The following ADGRD1 variants were observed in gnomAD, a reference collection of about 807,000 sequenced individuals.
ADGRD1 encodes the protein G-protein coupled receptor 133.
ADGRD1 carries 77 observed loss-of-function variants against 113.4 expected under a neutral mutation model. That is an observed-to-expected ratio of 0.68 (90% confidence interval 0.57 to 0.82). ADGRD1 has a LOEUF of 0.82. Ranked by LOEUF, ADGRD1 falls within the 40% of genes least tolerant of loss-of-function variation. ADGRD1 has a pLI of 0.00. For synonymous variants in ADGRD1, 474 were observed against 475.0 expected, an observed-to-expected ratio of 1.00 and a Z score of 0.03; for missense variants, 1,036 against 1,139.1, an observed-to-expected ratio of 0.91 and a Z score of 1.30.
chr12:131,032,244 G>A (rs563010056), intron 13 of ADGRD1, among the ~76,000 whole-genome samples: 6 of 152,268 alleles, frequency 3.9e-5, no homozygotes, highest in South Asian at 2.1e-4. Context: ...CCACCCTGGC[G>A]GTGGAGGCAG....
At chr12:131,080,224 T>A (rs915781190) in intron 14 of ADGRD1, among the ~76,000 whole-genome samples, 3 of 152,254 alleles carry the variant, frequency 2.0e-5, no homozygotes, top group African/African-American at 7.2e-5. Flanking sequence ...CTCTTCAACC[T>A]CTTCAACCTA....
intron 12 of ADGRD1, among the ~76,000 whole-genome samples, chr12:131,013,086 C>T (rs755583881): frequency 2.0e-5 from 3 of 152,194 alleles, no homozygotes; most frequent in Non-Finnish European, 2.9e-5. Flanking sequence ...TGAGCACCTT[C>T]TTCAATCTTG....
chr12:131,104,971 G>A (rs199722680), intron 16 of ADGRD1, 37 bp downstream of exon 16: 19 of 1,375,866 alleles, frequency 1.4e-5, no homozygotes, highest in East Asian at 2.6e-5. Context: ...ACAGTCTCTC[G>A]GCCCCTGCCT....
At chr12:131,009,334 G>C (rs899414711) in intron 12 of ADGRD1, among the ~76,000 whole-genome samples, 1 of 152,266 alleles carries the variant, frequency 6.6e-6, no homozygotes, top group South Asian at 2.1e-4. Flanking sequence ...GGGAGAAGAA[G>C]TTGGGCAGTT....
At chr12:131,076,286 A>G (rs1375162510) in intron 13 of ADGRD1, among the ~76,000 whole-genome samples, 2 of 152,214 alleles carry the variant, frequency 1.3e-5, no homozygotes, top group Non-Finnish European at 2.9e-5. Flanking sequence ...GGTAGCAAAC[A>G]CACACAGTGG....
chr12:131,070,937 T>A, intron 13 of ADGRD1: 2 of 518,670 alleles, frequency 3.9e-6, no homozygotes, highest in Non-Finnish European at 7.7e-6. Context: ...GGGGTCAGAG[T>A]GGGCCTGAGA....
chr12:130,978,473 T>G (rs888895032), intron 4 of ADGRD1: 1 of 152,228 alleles, frequency 6.6e-6, no homozygotes, highest in Non-Finnish European at 1.5e-5. Flanking sequence ...TTCCTTCAGA[T>G]TTTTCCTTGT....
At position 131,105,808 on chromosome 12, in the gene ADGRD1, C is replaced by T. The variant is rs370411645; in HGVS notation, c.1830C>T (p.Phe610=). Residue 610 remains phenylalanine (F), a synonymous_variant, in exon 17 of 25, where the codon TTC becomes TTT. Coordinates refer to ENST00000261654, the MANE Select transcript of ADGRD1 (RefSeq NM_198827.5). ...ACCACATCCACGCCAACCTGTCCTT[C>T]GCCGTGCTGGTGGCCCAGGTCCTGC... ...QRYHIHANLS[F]AVLVAQVLLL... is the part of the protein sequence containing the mutation. The T allele has an allele frequency of 2.1e-5, 33 of 1,601,068 alleles. No homozygotes were observed. Among genetic ancestry groups the T allele is most frequent in the Admixed American group, 1.2e-4 (7 of 59,988 alleles).
In ADGRD1 at chr12:131,108,989, A is replaced by G. The variant is rs1012661661; in HGVS notation, c.2041+112A>G. 63 of 34,570 alleles carry G rather than the reference A, an allele frequency of 1.8e-3. 1 individual carries two copies. The highest frequency in any genetic ancestry group is 0.017 in the South Asian group (35 of 2,104). 2.1% of individuals were successfully genotyped at this position (34,570 alleles called of 1,614,324 possible). On this transcript the variant is annotated intron_variant, in intron 18 of 24. Coordinates refer to ENST00000261654, the MANE Select transcript of ADGRD1 (RefSeq NM_198827.5). ...AGGTGGAAGTGGGGACAGAAGGGGCAGGTGGGGATGGGGGGAGGTGGGAAT... is the reference window on the plus strand; with the variant it reads ...AGGTGGAAGTGGGGACAGAAGGGGCGGGTGGGGATGGGGGGAGGTGGGAAT...
chr12:130,957,111 T>C (rs1727376), intron 2 of ADGRD1: 133,401 of 152,396 alleles, frequency 0.88, 58,462 homozygotes, highest in East Asian at 0.99. Context: ...CACATGCACA[T>C]ATATACACAT....
At chr12:131,112,273 T>C (rs1009945221) in intron 18 of ADGRD1, among the ~76,000 whole-genome samples, 5 of 152,232 alleles carry the variant, frequency 3.3e-5, no homozygotes, top group Admixed American at 2.6e-4. Flanking sequence ...GGCCTCTCTC[T>C]CAAGCTCTCT....
chr12:131,042,038 G>A (rs976562225), intron 13 of ADGRD1, among the ~76,000 whole-genome samples: 3 of 152,156 alleles, frequency 2.0e-5, no homozygotes, highest in Admixed American at 6.5e-5. Flanking sequence ...TTTTATTATC[G>A]GCTGCGCCCC....
At chr12:131,047,812 C>A (rs1056283412) in intron 13 of ADGRD1, among the ~76,000 whole-genome samples, 4 of 152,202 alleles carry the variant, frequency 2.6e-5, no homozygotes, top group Non-Finnish European at 5.9e-5. Context: ...CACCAACAGC[C>A]ACCCCCAAAG....
chr12:131,050,239 A>ATC lies in ADGRD1; in HGVS notation c.1474-26562_1474-26561insTC. On this transcript the variant is annotated intron_variant, in intron 13 of 24. Coordinates refer to ENST00000261654, the MANE Select transcript of ADGRD1 (RefSeq NM_198827.5). The surrounding 1 kb of genome is among the most constrained non-coding windows in gnomAD (Gnocchi z 4.8). ...CATCGTCATCATCATCATCATCATC[A>ATC]ATGAGATTCTCAGTCAGGACATCCG... Among the ~76,000 whole-genome samples, 1 of 151,362 alleles carries ATC rather than the reference A, an allele frequency of 6.6e-6. No homozygotes were observed. Among genetic ancestry groups the ATC allele is most frequent in the Non-Finnish European group, 1.5e-5 (1 of 67,800 alleles).
At position 130,990,999 on chromosome 12, in the gene ADGRD1, C is replaced by A; in HGVS notation, c.746-15C>A. The A allele has an allele frequency of 6.2e-7, 1 of 1,611,868 alleles. No individual in the cohort carries two copies. Among genetic ancestry groups the A allele is most frequent in the Non-Finnish European group, 8.5e-7 (1 of 1,178,028 alleles). ...GACCATGTTTTAGTCCTTAATCCAGCATTGTTTCTTCCAGGAAAGCATGCT... is the reference window on the plus strand; with the variant it reads ...GACCATGTTTTAGTCCTTAATCCAGAATTGTTTCTTCCAGGAAAGCATGCT... On this transcript the variant is annotated splice_polypyrimidine_tract_variant and intron_variant, in intron 6 of 24. Transcript: ENST00000261654.
intron 21 of ADGRD1, among the ~76,000 whole-genome samples, chr12:131,133,769 G>GCACTTGACTCCA (rs1950998386): frequency 1.3e-5 from 2 of 152,212 alleles, no homozygotes; most frequent in Middle Eastern, 3.2e-3. Flanking sequence ...GACTCCCAGG[G>GCACTTGACTCCA]CTGAGGAAGC....
At position 131,119,521 on chromosome 12, in the gene ADGRD1, G is replaced by A. The variant is rs577491228; in HGVS notation, c.2108+1070G>A. ...TGCTGGACCCACAGTCCTGAGTCCC[G>A]GGGTCTGACCGTAATACAAGCCTTT... On this transcript the variant is annotated intron_variant, in intron 19 of 24. Transcript: ENST00000261654. Among the ~76,000 whole-genome samples the A allele has an allele frequency of 2.0e-4, 31 of 152,296 alleles. No individual in the cohort carries two copies. In the South Asian group the frequency reaches 3.1e-3, roughly 15 times the overall value.
At chr12:131,044,693 G>T (rs1019255688) in intron 13 of ADGRD1, among the ~76,000 whole-genome samples, 2 of 151,968 alleles carry the variant, frequency 1.3e-5, no homozygotes, top group Non-Finnish European at 2.9e-5. Flanking sequence ...ATTTCCCCTC[G>T]TGTTTAGATT....
intron 13 of ADGRD1, among the ~76,000 whole-genome samples, chr12:131,055,831 C>G (rs1566070352): frequency 6.6e-6 from 1 of 152,168 alleles, no homozygotes; most frequent in Non-Finnish European, 1.5e-5. Context: ...CTGTCAGATT[C>G]CCCCATTCTT....
Sources: allele counts gnomAD v4.1 joint callset (sites outside exome capture counted in the v4.1 genomes callset), GRCh38; gene constraint gnomAD v4.1.1; non-coding constraint Gnocchi (gnomAD v3.1); transcripts MANE v1.5; gene names NCBI Gene and HGNC (gene_info 2026-07-23, HGNC 2026-07-21).